PROCR: variants seen among roughly 807,000 people sequenced by gnomAD.
PROCR encodes endothelial protein C receptor.
PROCR carries 22 observed loss-of-function variants against 24.2 expected under a neutral mutation model. The observed-to-expected ratio is 0.91, with a 90% confidence interval of 0.65 to 1.30. PROCR has a LOEUF of 1.30. Among genes scored for constraint, PROCR ranks in the 50% most tolerant of loss-of-function variants. The probability of loss-of-function intolerance (pLI) is 0.00; values close to 1 mark genes in which losing one functional copy is unlikely to be tolerated. For missense variants in PROCR, 288 were observed against 307.7 expected (o/e 0.94, Z 0.48); for synonymous variants, 137 against 139.2 (o/e 0.98, Z 0.11).
intron 1 of PROCR, among the ~76,000 whole-genome samples, chr20:35,208,920 C>T (rs1030862204): frequency 1.3e-5 from 2 of 151,552 alleles, no homozygotes; most frequent in South Asian, 2.1e-4. Flanking sequence ...TGTAGTGAGC[C>T]GAGATCACAC....
chr20:35,171,590 A>G (rs2085950913), upstream of PROCR, among the ~76,000 whole-genome samples: 1 of 152,332 alleles, frequency 6.6e-6, no homozygotes, highest in East Asian at 1.9e-4. Context: ...ATCCCGGATT[A>G]TGTAATTGTT....
chr20:35,174,817 C>A lies in PROCR; in HGVS notation c.186C>A (p.Asp62Glu). The change falls in exon 2 of 4, where the codon GAC (aspartate) becomes GAA (glutamate). Residue 62 changes from aspartate (D) to glutamate (E), a missense_variant. Transcript: ENST00000216968. ...GHLTHVLEGP[D>E]TNTTIIQLQP... ...TAACGCACGTGCTGGAAGGCCCAGA[C>A]ACCAACACCACGATCATTCAGCTGC... 6.2e-7 allele frequency: 1 copy of A among 1,614,106 alleles called. No individual in the cohort carries two copies. The highest frequency in any genetic ancestry group is 1.1e-5 in the South Asian group (1 of 91,088).
At chr20:35,192,666 T>G (rs1037207462) in intron 1 of PROCR, among the ~76,000 whole-genome samples, 3 of 151,710 alleles carry the variant, frequency 2.0e-5, no homozygotes, top group African/African-American at 7.2e-5. Flanking sequence ...CCCAGGAGAC[T>G]TTCCCCCCAC....
chr20:35,200,217 A>T (rs1264115228), intron 1 of PROCR, among the ~76,000 whole-genome samples: 1 of 152,268 alleles, frequency 6.6e-6, no homozygotes, highest in Non-Finnish European at 1.5e-5. Context: ...TAGTTGATAA[A>T]GAAGCAGCCA....
At chr20:35,190,266 A>C (rs1241195227) in intron 1 of PROCR, among the ~76,000 whole-genome samples, 1 of 152,166 alleles carries the variant, frequency 6.6e-6, no homozygotes, top group Non-Finnish European at 1.5e-5. Flanking sequence ...GGATTTCTAC[A>C]TATCCCAAAA....
At chr20:35,171,097 C>A (rs573433072), upstream of PROCR, among the ~76,000 whole-genome samples, 23 of 152,100 alleles carry the variant, frequency 1.5e-4, no homozygotes, top group Non-Finnish European at 2.9e-4. Context: ...TAGAGACGTT[C>A]GCCATATTGG....
chr20:35,193,384 C>T (rs1425822979), intron 1 of PROCR, among the ~76,000 whole-genome samples: 3 of 152,144 alleles, frequency 2.0e-5, no homozygotes, highest in Non-Finnish European at 4.4e-5. Context: ...CTGTGTTGGC[C>T]AGGATGGTCT....
intron 1 of PROCR, among the ~76,000 whole-genome samples, chr20:35,200,676 C>G (rs1243379971): frequency 1.3e-5 from 2 of 152,034 alleles, no homozygotes; most frequent in Admixed American, 1.3e-4. Flanking sequence ...TAGACGAACT[C>G]TTTGCTCTGT....
chr20:35,215,786 T>G, intron 1 of PROCR: 1 of 784,930 alleles, frequency 1.3e-6, no homozygotes, highest in Non-Finnish European at 1.5e-6. Context: ...TTTCATTGAC[T>G]GTTAGCTGCT....
At chr20:35,175,896 CCT>C (rs916539626) in intron 2 of PROCR, among the ~76,000 whole-genome samples, 9 of 149,752 alleles carry the variant, frequency 6.0e-5, no homozygotes, top group Admixed American at 2.6e-4. Flanking sequence ...AGCCTCACCC[CCT>C]GTTTTTTTTT....
chr20:35,178,390 T>TGA (rs1470731309), downstream of PROCR, among the ~76,000 whole-genome samples: 1 of 87,162 alleles, frequency 1.1e-5, no homozygotes, highest in Non-Finnish European at 2.0e-5. Context: ...GGCAACAGAG[T>TGA]GAGATTCTTT....
chr20:35,209,987 G>C (rs996012166), intron 1 of PROCR, among the ~76,000 whole-genome samples: 3 of 152,180 alleles, frequency 2.0e-5, no homozygotes, highest in African/African-American at 7.2e-5. Flanking sequence ...AATGTTTTGG[G>C]AGGCTGAGTC....
At chr20:35,182,774 G>A (rs566079390) in intron 1 of PROCR, among the ~76,000 whole-genome samples, 4 of 151,980 alleles carry the variant, frequency 2.6e-5, no homozygotes, top group Admixed American at 6.6e-5. Flanking sequence ...TCAGGTGTTC[G>A]AGACCAGCCT....
intron 1 of PROCR, among the ~76,000 whole-genome samples, chr20:35,195,820 C>CAAAAAA (rs58205912): frequency 2.6e-5 from 2 of 77,506 alleles, no homozygotes; most frequent in African/African-American, 4.0e-5. Flanking sequence ...GAGTCTGTCT[C>CAAAAAA]AAAAAAAAAA....
At position 35,206,474 on chromosome 20, in the gene PROCR, CAAA is replaced by C. The variant is rs34186603; in HGVS notation, c.95-9398_95-9396del. 3.7e-3 allele frequency among the ~76,000 whole-genome samples: 257 copies of C among 68,746 alleles called. 1 individual carries two copies. The highest frequency in any genetic ancestry group is 0.016 in the Middle Eastern group (2 of 128). The allele number at this position is 68,746 out of a possible 152,430, so 45.1% of individuals were successfully genotyped here. ...TGGGCAACAGTGTGAGACTCTATCT[CAAA>C]AAAAAAAAAAAAAAAAAAAACTCTC... On this transcript the variant is annotated intron_variant, in intron 1 of 1. Transcript: ENST00000634509.
At chr20:35,177,713 A>C (rs2086035088), downstream of PROCR, among the ~76,000 whole-genome samples, 1 of 151,954 alleles carries the variant, frequency 6.6e-6, no homozygotes, top group African/African-American at 2.4e-5. Context: ...ATTAGACGTG[A>C]GCCACTGCGC....
Position 35,174,577 on chromosome 20 carries a change from G to C in PROCR, c.71-125G>C, listed in dbSNP as rs115893352. 140 of 1,186,320 alleles carry C rather than the reference G, an allele frequency of 1.2e-4. No homozygotes were observed. In the African/African-American group the frequency reaches 2.0e-3, roughly 17 times the overall value. The allele number at this position is 1,186,320 out of a possible 1,614,324, so 73.5% of individuals were successfully genotyped here. On this transcript the variant is annotated intron_variant, in intron 1 of 3. Coordinates refer to ENST00000216968, the MANE Select transcript of PROCR (RefSeq NM_006404.5). ...CGTCAAACGGGAGAAGCGGTGGGAG[G>C]GCACATTATAGTTTATGAAGGGTCG...
intron 1 of PROCR, among the ~76,000 whole-genome samples, chr20:35,208,074 C>G (rs2060348811): frequency 6.6e-6 from 1 of 152,146 alleles, no homozygotes; most frequent in Non-Finnish European, 1.5e-5. Flanking sequence ...GTGGCCAGGA[C>G]ATAGGACAGA....
At chr20:35,190,670 G>A (rs570019653) in intron 1 of PROCR, among the ~76,000 whole-genome samples, 1 of 152,318 alleles carries the variant, frequency 6.6e-6, no homozygotes, top group African/African-American at 2.4e-5. Flanking sequence ...ATGAGAGGAA[G>A]TCAGAGAGAA....
Sources: gnomAD v4.1 joint callset for allele counts (sites outside exome capture counted in the v4.1 genomes callset) on GRCh38, gnomAD v4.1.1 for gene constraint, MANE v1.5 for transcripts, NCBI Gene and HGNC (gene_info 2026-07-23, HGNC 2026-07-21) for gene names.